Variants in ZNF700 observed in about 807,000 individuals in gnomAD.
The protein encoded by ZNF700 is zinc finger protein 700.
ZNF700 carries 38 observed loss-of-function variants against 65.3 expected under a neutral mutation model. The ratio of observed to expected loss-of-function variants is 0.58; its 90% CI spans 0.45 to 0.76. ZNF700 has a LOEUF of 0.76. Ranked by LOEUF, ZNF700 falls within the 30% of genes least tolerant of loss-of-function variation. ZNF700 has a pLI of 0.00. For missense variants in ZNF700, 857 were observed against 888.4 expected, an observed-to-expected ratio of 0.96 and a Z score of 0.45; for synonymous variants, 285 against 290.4, an observed-to-expected ratio of 0.98 and a Z score of 0.19.
rs1473335431 is a variant in ZNF700 at position 11,947,587 on chromosome 19, T to A, written c.251+13T>A. 2 of 1,611,866 alleles carry A rather than the reference T, an allele frequency of 1.2e-6. No homozygotes were observed. Among genetic ancestry groups the A allele is most frequent in the East Asian group, 4.5e-5 (2 of 44,868 alleles). ...GAAGAAGCTTCAGGTAATTTGCATT[T>A]CCAAGAGAAAGCAGTGTCTCTCTGC... On this transcript the variant is annotated intron_variant, in intron 3 of 3. Transcript: ENST00000254321.
Position 11,949,798 on chromosome 19 carries a change from T to G in ZNF700, c.1774T>G (p.Tyr592Asp). 1 of 1,613,264 alleles carries G rather than the reference T, an allele frequency of 6.2e-7. No individual in the cohort carries two copies. Among genetic ancestry groups the G allele is most frequent in the Non-Finnish European group, 8.5e-7 (1 of 1,179,778 alleles). Reference protein sequence around the residue: ...HERTHTGEKPYECKQCGKAFS... With the variant: ...HERTHTGEKPDECKQCGKAFS... The stretch of plus-strand genomic sequence containing the variant: ...AAGGACTCACACTGGAGAGAAACCC[T>G]ATGAGTGTAAGCAATGTGGGAAAGC... Residue 592 changes from tyrosine (Y) to aspartate (D), a missense_variant, in exon 4 of 4, where the codon TAT becomes GAT. Tyr to Asp is a radical substitution (Grantham distance 160). Around this residue, in one of 3 missense-constraint regions of ZNF700, gnomAD observed 251 missense variants for 250.3 expected, o/e 1.00. Transcript: ENST00000254321.
At chr19:11,937,031 T>C (rs748186989) in intron 1 of ZNF700, among the ~76,000 whole-genome samples, 33 of 152,214 alleles carry the variant, frequency 2.2e-4, no homozygotes, top group Non-Finnish European at 4.4e-4. Flanking sequence ...GCCTCTGTTA[T>C]GTTCCATTGG....
In ZNF700 at chr19:11,946,445, G is replaced by A. The variant is rs779684274; in HGVS notation, c.64-736G>A. 3.9e-5 allele frequency among the ~76,000 whole-genome samples: 6 copies of A among 152,242 alleles called. No homozygotes were observed. The South Asian group carries it at 8.3e-4, about 21-fold the overall frequency. The stretch of plus-strand genomic sequence containing the variant: ...ACTTTAGGAGCTGACTTCCCTTGGC[G>A]GGTGGGGAGAGATCCCTCATTGGCT... On this transcript the variant is annotated intron_variant, in intron 1 of 3. Coordinates refer to ENST00000254321, the MANE Select transcript of ZNF700 (RefSeq NM_144566.3).
chr19:11,947,298 A>C lies in ZNF700; in HGVS notation c.181A>C (p.Thr61Pro). ...GATGCTGGAAACTTTCAGGAACCTGACCTCTATAGGTAAGGATGACAATAT... is the reference window on the plus strand; with the variant it reads ...GATGCTGGAAACTTTCAGGAACCTGCCCTCTATAGGTAAGGATGACAATAT... ...EVMLETFRNL[T>P]SIGKKWSDQN... Residue 61 changes from threonine (T) to proline (P), a missense_variant, in exon 2 of 4, where the codon ACC (threonine) becomes CCC (proline). Physicochemically the swap from Thr to Pro is conservative, Grantham distance 38 (BLOSUM62 -1). Around this residue, in one of 3 missense-constraint regions of ZNF700, gnomAD observed 603 missense variants for 619.9 expected, o/e 0.97. Transcript: ENST00000254321. The C allele has an allele frequency of 6.2e-7, 1 of 1,613,832 alleles. No homozygotes were observed. Among genetic ancestry groups the C allele is most frequent in the Non-Finnish European group, 8.5e-7 (1 of 1,179,952 alleles).
chr19:11,947,888 G>A lies in ZNF700; in HGVS notation c.251+314G>A, dbSNP rs141757749. Among the ~76,000 whole-genome samples, 929 of 152,204 alleles carry A rather than the reference G, an allele frequency of 6.1e-3. 11 individuals are homozygous for A. Among genetic ancestry groups the A allele is most frequent in the African/African-American group, 0.021 (883 of 41,518 alleles). On this transcript the variant is annotated intron_variant, in intron 3 of 3. Coordinates refer to ENST00000254321, the MANE Select transcript of ZNF700 (RefSeq NM_144566.3). ...GCATTGTGGTGTGTATGCATCGGTAGTCCCAGCTACTCAGGAGGCGAAGGC... is the reference window on the plus strand; with the variant it reads ...GCATTGTGGTGTGTATGCATCGGTAATCCCAGCTACTCAGGAGGCGAAGGC...
chr19:11,945,087 C>T (rs1191602071), intron 1 of ZNF700, among the ~76,000 whole-genome samples: 1 of 152,240 alleles, frequency 6.6e-6, no homozygotes, highest in Non-Finnish European at 1.5e-5. Context: ...ACTCCAACTG[C>T]CTTTTTTTCT....
intron 1 of ZNF700, chr19:11,946,892 C>A: frequency 5.2e-6 from 2 of 381,852 alleles, no homozygotes; most frequent in Non-Finnish European, 8.7e-6. Flanking sequence ...CCCAGCTACT[C>A]GGGAGGCTGA....
In ZNF700 at chr19:11,948,397, T is replaced by G. The variant is rs758397197; in HGVS notation, c.373T>G (p.Ser125Ala). The G allele has an allele frequency of 3.4e-5, 55 of 1,613,886 alleles. No individual in the cohort carries two copies. The highest frequency in any genetic ancestry group is 4.6e-5 in the Non-Finnish European group (54 of 1,179,956). ...QEKKASPEVK[S>A]CDSFVCAEVG... ...GAAGAAAGCTTCTCCTGAAGTAAAATCATGTGACAGCTTTGTGTGTGCAGA... is the reference window on the plus strand; with the variant it reads ...GAAGAAAGCTTCTCCTGAAGTAAAAGCATGTGACAGCTTTGTGTGTGCAGA... The change falls in exon 4 of 4, where the codon TCA (serine) becomes GCA (alanine). Residue 125 changes from serine (S) to alanine (A), a missense_variant. This residue lies in a region of ZNF700 where 603 missense variants were observed against 619.9 expected (regional missense o/e 0.97). Coordinates refer to ENST00000254321, the MANE Select transcript of ZNF700 (RefSeq NM_144566.3).
intron 1 of ZNF700, among the ~76,000 whole-genome samples, chr19:11,936,590 C>T (rs1217357405): frequency 1.3e-5 from 2 of 151,996 alleles, no homozygotes; most frequent in Admixed American, 6.6e-5. Flanking sequence ...GGATATTAGT[C>T]GTTTGTTGGA....
chr19:11,950,281 ACT>A lies in ZNF700; in HGVS notation c.*30_*31del. ...TGGTTCCTTTTATGGACATGAATAGACTCACACTGGAAGGAAGCACTATGAAT... is the reference window on the plus strand; with the variant it reads ...TGGTTCCTTTTATGGACATGAATAGACACACTGGAAGGAAGCACTATGAAT... On this transcript the variant is annotated 3_prime_UTR_variant, in exon 4 of 4. Coordinates refer to ENST00000254321, the MANE Select transcript of ZNF700 (RefSeq NM_144566.3). 3 of 1,587,076 alleles carry A rather than the reference ACT, an allele frequency of 1.9e-6. No homozygotes were observed. The highest frequency in any genetic ancestry group is 2.6e-6 in the Non-Finnish European group (3 of 1,169,844).
chr19:11,948,890 G>A lies in ZNF700; in HGVS notation c.866G>A (p.Ser289Asn). Residue 289 changes from serine to asparagine, a missense_variant, in exon 4 of 4, where the codon AGT becomes AAT. Ser to Asn is a conservative substitution (Grantham distance 46, BLOSUM62 1). This residue lies in a region of ZNF700 where 603 missense variants were observed against 619.9 expected (regional missense o/e 0.97). Transcript: ENST00000254321. ...AGCAAATGTGATAAAGCATTTCATA[G>A]TTCTAGTTCCTATCATAGACATGAA... ...ECSKCDKAFH[S>N]SSSYHRHERS... 2.5e-6 allele frequency: 4 copies of A among 1,604,088 alleles called. No homozygotes were observed. Among genetic ancestry groups the A allele is most frequent in the Non-Finnish European group, 2.5e-6 (3 of 1,177,888 alleles).
At chr19:11,940,778 G>A (rs1448732658) in intron 1 of ZNF700, among the ~76,000 whole-genome samples, 2 of 152,134 alleles carry the variant, frequency 1.3e-5, no homozygotes, top group East Asian at 1.9e-4. Flanking sequence ...TTTTGACAGG[G>A]CGCTGATTGG....
chr19:11,941,346 G>A (rs532492783), intron 1 of ZNF700, among the ~76,000 whole-genome samples: 161 of 152,370 alleles, frequency 1.1e-3, no homozygotes, highest in African/African-American at 3.7e-3. Flanking sequence ...TGGAGCAGGG[G>A]GCGGCGCTCA....
At chr19:11,932,386 A>G (rs906859280) in intron 1 of ZNF700, among the ~76,000 whole-genome samples, 2 of 148,286 alleles carry the variant, frequency 1.3e-5, no homozygotes, top group African/African-American at 2.6e-5. Flanking sequence ...TCAATATGCT[A>G]TGCTGTTGTT....
chr19:11,944,836 G>C (rs1346235078), intron 1 of ZNF700, among the ~76,000 whole-genome samples: 1 of 152,204 alleles, frequency 6.6e-6, no homozygotes, highest in Non-Finnish European at 1.5e-5. Flanking sequence ...GTGAGATGTA[G>C]AAGTACCGGC....
At chr19:11,928,273 T>C (rs1599276922) in intron 1 of ZNF700, among the ~76,000 whole-genome samples, 1 of 152,322 alleles carries the variant, frequency 6.6e-6, no homozygotes, top group Middle Eastern at 3.4e-3. Flanking sequence ...GATACAGATA[T>C]CAGCCACTGC....
chr19:11,934,264 C>A (rs540847419), intron 1 of ZNF700, among the ~76,000 whole-genome samples: 1 of 147,828 alleles, frequency 6.8e-6, no homozygotes, highest in Admixed American at 6.6e-5. Context: ...TGTGGGAGGA[C>A]TTTTGTGTGG....
rs1973045365 is a variant in ZNF700, at chr19:11,950,253, G to A, written c.2229G>A (p.Ter743=). The A allele has an allele frequency of 6.2e-7, 1 of 1,605,210 alleles. No individual in the cohort carries two copies. The highest frequency in any genetic ancestry group is 1.7e-4 in the Middle Eastern group (1 of 6,014). ...AGGATTGTGGGAAAGCATTCAGCTA[G>A]CCTGGTTCCTTTTATGGACATGAAT... ...ECKDCGKAFS[*] Residue 743 remains the stop codon, a stop_retained_variant, in exon 4 of 4, where the codon TAG becomes TAA. Coordinates refer to ENST00000254321, the MANE Select transcript of ZNF700 (RefSeq NM_144566.3).
intron 1 of ZNF700, among the ~76,000 whole-genome samples, chr19:11,937,645 C>T (rs762820708): frequency 6.6e-6 from 1 of 151,792 alleles, no homozygotes; most frequent in South Asian, 2.1e-4. Context: ...CCTACCACCA[C>T]GCTTGGCTAA....
Sources: gnomAD v4.1 joint callset for allele counts (sites outside exome capture counted in the v4.1 genomes callset) on GRCh38, gnomAD v4.1.1 for gene constraint, gnomAD v4.1.1 regional missense constraint, MANE v1.5 for transcripts, NCBI Gene and HGNC (gene_info 2026-07-23, HGNC 2026-07-21) for gene names.